The following ZFHX3 variants were observed in gnomAD, a reference collection of about 807,000 sequenced individuals.
ZFHX3 encodes the protein zinc finger homeobox protein 3.
A neutral mutation model predicts 279.1 loss-of-function variants in ZFHX3; 42 were observed. The ratio of observed to expected loss-of-function variants is 0.15; its 90% CI spans 0.12 to 0.19. The LOEUF is 0.19. Ranked by LOEUF, ZFHX3 falls within the 10% of genes least tolerant of loss-of-function variation. The pLI is 1.00. For missense variants in ZFHX3, 4,981 were observed against 4,754.0 expected (o/e 1.05, Z -1.40); for synonymous variants, 2,293 against 1,957.8 (o/e 1.17, Z -4.52).
intron 1 of ZFHX3, among the ~76,000 whole-genome samples, chr16:73,869,224 A>G (rs1962104489): frequency 2.6e-5 from 4 of 152,240 alleles, no homozygotes; most frequent in South Asian, 2.1e-4. Context: ...AGCAACCTAC[A>G]GGGTGTTTTA....
chr16:73,452,442 A>T (rs1386012745), intron 3 of ZFHX3, among the ~76,000 whole-genome samples: 1 of 152,204 alleles, frequency 6.6e-6, no homozygotes, highest in African/African-American at 2.4e-5. Context: ...TCTAGCTGGC[A>T]GAAAGACACT....
intron 3 of ZFHX3, among the ~76,000 whole-genome samples, chr16:72,945,026 G>C (rs916538704): frequency 2.0e-5 from 3 of 152,038 alleles, no homozygotes; most frequent in Non-Finnish European, 2.9e-5. Context: ...GGAGTGAAAA[G>C]ATATCACTGA....
intron 6 of ZFHX3, among the ~76,000 whole-genome samples, chr16:73,142,759 G>A (rs1482028990): frequency 6.6e-6 from 1 of 152,168 alleles, no homozygotes; most frequent in Non-Finnish European, 1.5e-5. Context: ...ATGATTATAG[G>A]CACAAGACTA....
At chr16:73,341,398 T>G (rs2016031542) in intron 3 of ZFHX3, among the ~76,000 whole-genome samples, 1 of 152,150 alleles carries the variant, frequency 6.6e-6, no homozygotes, top group Admixed American at 6.6e-5. Context: ...ATGAAGGATG[T>G]GAACAGATGA....
rs145260850 is a variant in ZFHX3, at chr16:73,248,645, A to ATGTGTGTGTG, written c.-1104+8392_-1104+8401dup. Among the ~76,000 whole-genome samples the ATGTGTGTGTG allele has an allele frequency of 2.7e-3, 399 of 149,114 alleles. 3 individuals are homozygous for ATGTGTGTGTG. Among genetic ancestry groups the ATGTGTGTGTG allele is most frequent in the African/African-American group, 7.4e-3 (301 of 40,502 alleles). ...CTACGTGCCTGTATGTGGAGAATGT[A>ATGTGTGTGTG]TGTGTGTGTGTGTGTGTGTGCACGT... On this transcript the variant is annotated intron_variant, in intron 5 of 17. Transcript: ENST00000641206.
In ZFHX3 at chr16:72,960,087, T is replaced by G. The variant is rs1159526635; in HGVS notation, c.59A>C (p.Gln20Pro). 1 of 1,612,630 alleles carries G rather than the reference T, an allele frequency of 6.2e-7. No homozygotes were observed. The highest frequency in any genetic ancestry group is 1.1e-5 in the South Asian group (1 of 90,768). ...GTTGAGTTCAGTCCATTGCTGGTGCTGAGGGATACCGCACCCATTGTCCTT... is the reference window on the plus strand; with the variant it reads ...GTTGAGTTCAGTCCATTGCTGGTGCGGAGGGATACCGCACCCATTGTCCTT... ...SGKDNGCGIPQHQQWTELNST... is the reference protein window; with the variant it reads ...SGKDNGCGIPPHQQWTELNST... The change falls in exon 2 of 10, where the codon CAG becomes CCG. Residue 20 changes from glutamine to proline, a missense_variant. Coordinates refer to ENST00000268489, the MANE Select transcript of ZFHX3 (RefSeq NM_006885.4).
At chr16:73,404,804 A>G (rs903818828) in intron 3 of ZFHX3, among the ~76,000 whole-genome samples, 3 of 152,130 alleles carry the variant, frequency 2.0e-5, no homozygotes, top group African/African-American at 7.2e-5. Flanking sequence ...CTACCCCTCC[A>G]AGTCCTGTTA....
chr16:73,030,110 G>A (rs1018257582), intron 1 of ZFHX3, among the ~76,000 whole-genome samples: 2 of 152,154 alleles, frequency 1.3e-5, no homozygotes, highest in African/African-American at 4.8e-5. Flanking sequence ...TTTTTTAAAA[G>A]TGGAAGACAG....
intron 4 of ZFHX3, among the ~76,000 whole-genome samples, chr16:72,847,318 C>T (rs2037505542): frequency 6.6e-6 from 1 of 152,132 alleles, no homozygotes; most frequent in Admixed American, 6.5e-5. Flanking sequence ...AGACGTGTCT[C>T]CCCCTAGTGA....
intron 2 of ZFHX3, among the ~76,000 whole-genome samples, chr16:73,612,383 A>G (rs2052256560): frequency 6.6e-6 from 1 of 152,246 alleles, no homozygotes; most frequent in South Asian, 2.1e-4. Flanking sequence ...AAACGCTGCC[A>G]TGACCTTAAC....
At chr16:73,416,537 G>C (rs982571975) in intron 3 of ZFHX3, among the ~76,000 whole-genome samples, 1 of 152,152 alleles carries the variant, frequency 6.6e-6, no homozygotes, top group African/African-American at 2.4e-5. Context: ...AAATGTCGTA[G>C]GCAAGACCGG....
chr16:72,972,153 A>G (rs1170065568), intron 1 of ZFHX3, among the ~76,000 whole-genome samples: 2 of 152,260 alleles, frequency 1.3e-5, no homozygotes, highest in South Asian at 2.1e-4. Flanking sequence ...TCGGCCACCT[A>G]AAGTGCTGGG....
chr16:73,470,311 C>T (rs4887804), intron 2 of ZFHX3, among the ~76,000 whole-genome samples: 63,608 of 151,934 alleles, frequency 0.42, 13,992 homozygotes, highest in East Asian at 0.62. Flanking sequence ...CGGACAGAAA[C>T]CCAGGCCATG....
At chr16:73,553,745 C>T (rs902922188) in intron 2 of ZFHX3, among the ~76,000 whole-genome samples, 2 of 152,206 alleles carry the variant, frequency 1.3e-5, no homozygotes, top group Admixed American at 6.5e-5. Context: ...CTAGATAGCA[C>T]CATAGACTCC....
At position 73,846,510 on chromosome 16, in the gene ZFHX3, GTCTC is replaced by G. The variant is rs142694073; in HGVS notation, c.-1608+45137_-1608+45140del. On this transcript the variant is annotated intron_variant, in intron 1 of 17. Transcript: ENST00000641206. ...TATTCCCTCGAGGCCAATCTTGGCT[GTCTC>G]TCTTCAAGCTGAAATTGAGAGGCTT... 2.7e-3 allele frequency among the ~76,000 whole-genome samples: 409 copies of G among 152,276 alleles called. 2 individuals carry two copies. Among genetic ancestry groups the G allele is most frequent in the African/African-American group, 8.9e-3 (370 of 41,544 alleles).
At chr16:73,280,486 C>A (rs1189613966) in intron 4 of ZFHX3, among the ~76,000 whole-genome samples, 1 of 151,942 alleles carries the variant, frequency 6.6e-6, no homozygotes, top group Non-Finnish European at 1.5e-5. Context: ...ATACAAATAA[C>A]CAATAGACAC....
chr16:73,129,032 A>G (rs1966624833), intron 7 of ZFHX3, among the ~76,000 whole-genome samples: 1 of 152,124 alleles, frequency 6.6e-6, no homozygotes, highest in South Asian at 2.1e-4. Context: ...AACCTTCCCC[A>G]CACTCTTCCA....
intron 3 of ZFHX3, among the ~76,000 whole-genome samples, chr16:73,377,745 T>C (rs1324214375): frequency 1.3e-5 from 2 of 151,622 alleles, no homozygotes; most frequent in Non-Finnish European, 2.9e-5. Context: ...TTTAAATATC[T>C]TATACAGGCC....
intron 2 of ZFHX3, among the ~76,000 whole-genome samples, chr16:73,626,901 C>T (rs184577034): frequency 1.3e-5 from 2 of 152,262 alleles, no homozygotes; most frequent in Admixed American, 6.5e-5. Flanking sequence ...ATTTATTTAG[C>T]AGCTGTTTTG....
Sources: gnomAD v4.1 joint callset for allele counts (sites outside exome capture counted in the v4.1 genomes callset) on GRCh38, gnomAD v4.1.1 for gene constraint, MANE v1.5 for transcripts, NCBI Gene and HGNC (gene_info 2026-07-23, HGNC 2026-07-21) for gene names.